BORCS5: variants seen among roughly 807,000 people sequenced by gnomAD.
BORCS5 encodes the protein BLOC-1 related complex subunit 5.
In BORCS5, 17 loss-of-function variants were observed where a neutral mutation model predicts 22.1. That is an observed-to-expected ratio of 0.77 (90% CI 0.53 to 1.15). The LOEUF (loss-of-function observed/expected upper bound fraction) is 1.15, where lower values mean the gene tolerates loss of function less well. Among genes scored for constraint, BORCS5 ranks in the 50% most tolerant of loss-of-function variants. BORCS5 has a pLI of 0.00. For missense variants in BORCS5, 247 were observed against 253.2 expected (o/e 0.98, Z 0.17); for synonymous variants, 117 against 99.8 (o/e 1.17, Z -1.03).
At chr12:12,438,377 A>AC (rs1942607660) in intron 3 of BORCS5, among the ~76,000 whole-genome samples, 4 of 135,918 alleles carry the variant, frequency 2.9e-5, no homozygotes, top group Admixed American at 1.4e-4. Flanking sequence ...AAAAAAAAAA[A>AC]AAACGAAAAA....
chr12:12,383,126 C>A (rs1306412344), intron 2 of BORCS5, among the ~76,000 whole-genome samples: 2 of 150,786 alleles, frequency 1.3e-5, no homozygotes, highest in African/African-American at 4.9e-5. Flanking sequence ...TTTAACTGTT[C>A]CATTGATTTT....
chr12:12,451,983 G>C lies in BORCS5; in HGVS notation c.361-13563G>C, dbSNP rs1042327617. The C allele has an allele frequency of 3.3e-5, 8 of 243,190 alleles. No homozygotes were observed. The Admixed American group carries it at 3.8e-4, about 11-fold the overall frequency. 15.1% of individuals were successfully genotyped at this position (243,190 alleles called of 1,614,324 possible). Reference sequence around the variant, plus strand: ...TGAACTTTCATATTGATTTTACACAGCTTTTATACAGTACCTTGACTTAAA... The same window carrying C: ...TGAACTTTCATATTGATTTTACACACCTTTTATACAGTACCTTGACTTAAA... On this transcript the variant is annotated intron_variant, in intron 3 of 3. Coordinates refer to ENST00000314565, the MANE Select transcript of BORCS5 (RefSeq NM_058169.6).
At chr12:12,382,733 A>G (rs1437836986) in intron 2 of BORCS5, among the ~76,000 whole-genome samples, 1 of 150,940 alleles carries the variant, frequency 6.6e-6, no homozygotes, top group African/African-American at 2.4e-5. Context: ...GGGTTTTGCC[A>G]TGTTGGCCGG....
intron 2 of BORCS5, among the ~76,000 whole-genome samples, chr12:12,370,127 C>T (rs186656016): frequency 7.1e-6 from 1 of 141,676 alleles, no homozygotes; most frequent in East Asian, 2.0e-4. Flanking sequence ...CACACACACA[C>T]ACACACACGT....
intron 2 of BORCS5, among the ~76,000 whole-genome samples, chr12:12,380,246 G>A (rs1863747820): frequency 6.6e-6 from 1 of 150,804 alleles, no homozygotes; most frequent in Admixed American, 6.6e-5. Flanking sequence ...ACCAAAATGT[G>A]ACAGACATGA....
intron 2 of BORCS5, among the ~76,000 whole-genome samples, chr12:12,369,205 TGTA>T (rs1863469141): frequency 6.6e-6 from 1 of 152,222 alleles, no homozygotes; most frequent in Non-Finnish European, 1.5e-5. Context: ...ACCCCTGTCT[TGTA>T]GTCTAATTTG....
intron 2 of BORCS5, among the ~76,000 whole-genome samples, chr12:12,410,143 T>C (rs1284593540): frequency 6.6e-6 from 1 of 152,216 alleles, no homozygotes; most frequent in Non-Finnish European, 1.5e-5. Flanking sequence ...GTCAGATGAG[T>C]AGGTTGCAAA....
At chr12:12,444,368 C>T (rs1476268715) in intron 3 of BORCS5, among the ~76,000 whole-genome samples, 1 of 152,200 alleles carries the variant, frequency 6.6e-6, no homozygotes, top group Non-Finnish European at 1.5e-5. Context: ...AGTTCAGGGA[C>T]TCAGTTTCCT....
At chr12:12,436,022 C>T (rs1401861531) in intron 3 of BORCS5, 1 of 429,516 alleles carries the variant, frequency 2.3e-6, no homozygotes, top group Non-Finnish European at 4.1e-6. Flanking sequence ...TCAGTTTCCT[C>T]ATGTGAAAAA....
At position 12,420,258 on chromosome 12, in the gene BORCS5, A is replaced by G. The variant is rs1402854953; in HGVS notation, c.203-15370A>G. Among the ~76,000 whole-genome samples, 4 of 152,034 alleles carry G rather than the reference A, an allele frequency of 2.6e-5. No homozygotes were observed. In the East Asian group the frequency reaches 7.7e-4, roughly 29 times the overall value. On this transcript the variant is annotated intron_variant, in intron 2 of 3. Transcript: ENST00000314565. The stretch of plus-strand genomic sequence containing the variant: ...GGAAGGGATCCAGTTTCAGCTTTCT[A>G]CATATGGCTAGCCAGTTTTCCCAGC...
At chr12:12,406,846 T>G (rs183676768) in intron 2 of BORCS5, among the ~76,000 whole-genome samples, 3 of 152,272 alleles carry the variant, frequency 2.0e-5, no homozygotes, top group Middle Eastern at 3.4e-3. Flanking sequence ...AAGCAAGCTC[T>G]TTTGGGAAGG....
At chr12:12,449,374 T>C (rs1277618628) in intron 3 of BORCS5, among the ~76,000 whole-genome samples, 1 of 152,212 alleles carries the variant, frequency 6.6e-6, no homozygotes, top group African/African-American at 2.4e-5. Context: ...CCTCAGGCTT[T>C]TATTTTTACT....
intron 3 of BORCS5, 138 bp downstream of exon 3, chr12:12,435,923 A>G: frequency 3.6e-6 from 3 of 835,556 alleles, no homozygotes; most frequent in Non-Finnish European, 5.3e-6. Flanking sequence ...TGTGATGATG[A>G]AAAAAGTGGT....
intron 2 of BORCS5, among the ~76,000 whole-genome samples, chr12:12,391,611 C>T (rs1049039591): frequency 2.5e-4 from 38 of 150,860 alleles, no homozygotes; most frequent in Admixed American, 2.0e-3. Context: ...TGGTCTCGAA[C>T]TCCTGACCTC....
intron 2 of BORCS5, among the ~76,000 whole-genome samples, chr12:12,385,611 G>A (rs1863862836): frequency 6.6e-6 from 1 of 150,772 alleles, no homozygotes; most frequent in Non-Finnish European, 1.5e-5. Context: ...CCAGGTTTAA[G>A]CGATTCTTCT....
intron 2 of BORCS5, among the ~76,000 whole-genome samples, chr12:12,407,249 C>A (rs1941614435): frequency 1.3e-5 from 2 of 152,194 alleles, no homozygotes; most frequent in Admixed American, 1.3e-4. Flanking sequence ...CATCCCCCTT[C>A]CCTTACAAAC....
chr12:12,462,879 A>T (rs1029389461), intron 3 of BORCS5, among the ~76,000 whole-genome samples: 4 of 150,656 alleles, frequency 2.7e-5, no homozygotes, highest in Non-Finnish European at 5.9e-5. Flanking sequence ...CTGGTCTCGA[A>T]CTCCTGAGCT....
chr12:12,409,912 G>C (rs1020927032), intron 2 of BORCS5, among the ~76,000 whole-genome samples: 8 of 152,124 alleles, frequency 5.3e-5, no homozygotes, highest in African/African-American at 1.9e-4. Flanking sequence ...ACTTTTTAAT[G>C]ATTGCCATTC....
In BORCS5 at chr12:12,357,204, G is replaced by A; in HGVS notation, c.-248G>A. 1 of 1,508,710 alleles carries A rather than the reference G, an allele frequency of 6.6e-7. No homozygotes were observed. The highest frequency in any genetic ancestry group is 8.8e-7 in the Non-Finnish European group (1 of 1,133,780). The allele number at this position is 1,508,710 out of a possible 1,614,324, so 93.5% of individuals were successfully genotyped here. ...GTTCTCTTAGGGCTCCCGGAAAGAA[G>A]GAGGGCTAGCCGCGTGCGTTCGCGC... is the stretch of plus-strand genomic sequence containing the variant. On this transcript the variant is annotated 5_prime_UTR_variant, in exon 1 of 4. Coordinates refer to ENST00000314565, the MANE Select transcript of BORCS5 (RefSeq NM_058169.6).
Sources: gnomAD v4.1 joint callset for allele counts (sites outside exome capture counted in the v4.1 genomes callset) on GRCh38, gnomAD v4.1.1 for gene constraint, MANE v1.5 for transcripts, NCBI Gene and HGNC (gene_info 2026-07-23, HGNC 2026-07-21) for gene names.